Variants in U2SURP observed in about 807,000 individuals in gnomAD.
The protein encoded by U2SURP is U2 snRNP-associated SURP motif-containing protein.
In U2SURP, 9 loss-of-function variants were observed where a neutral mutation model predicts 144.9. That is an observed-to-expected ratio of 0.06 (90% CI 0.04 to 0.11). U2SURP has a LOEUF of 0.11. U2SURP is among the 10% of genes least tolerant of loss of function. The probability of loss-of-function intolerance (pLI) is 1.00; values close to 1 mark genes in which losing one functional copy is unlikely to be tolerated. For synonymous variants in U2SURP, 408 were observed against 396.8 expected (o/e 1.03, Z -0.33); for missense variants, 724 against 1,226.7 (o/e 0.59, Z 6.12).
intron 25 of U2SURP, among the ~76,000 whole-genome samples, chr3:143,051,602 CA>C (rs3041537): frequency 0.02 from 1,808 of 90,556 alleles, 14 homozygotes; most frequent in African/African-American, 0.065. Flanking sequence ...ACTGTCGTTG[CA>C]AAAAAAAAAA....
At chr3:143,029,447 T>TA (rs1274487005) in intron 16 of U2SURP, among the ~76,000 whole-genome samples, 2 of 152,206 alleles carry the variant, frequency 1.3e-5, no homozygotes, top group Non-Finnish European at 2.9e-5. Flanking sequence ...TTGTATCTGT[T>TA]ATGGTGATCA....
chr3:143,012,390 ATAGT>A (rs756459012), intron 3 of U2SURP, 37 bp downstream of exon 3: 1 of 1,546,196 alleles, frequency 6.5e-7, no homozygotes, highest in Non-Finnish European at 8.7e-7. Context: ...ATAAGAAAGG[ATAGT>A]TAATGATTTT....
chr3:143,021,849 A>G (rs900329410), intron 10 of U2SURP, among the ~76,000 whole-genome samples: 2 of 152,222 alleles, frequency 1.3e-5, no homozygotes, highest in Non-Finnish European at 2.9e-5. Context: ...CTTCTGATGC[A>G]TACTTGTTTC....
intron 4 of U2SURP, among the ~76,000 whole-genome samples, chr3:143,015,980 T>C (rs1260830734): frequency 6.6e-6 from 1 of 152,156 alleles, no homozygotes; most frequent in Non-Finnish European, 1.5e-5. Context: ...AGTTGTCATA[T>C]AATTTGATGC....
At chr3:143,033,644 G>A (rs1384135964) in intron 18 of U2SURP, among the ~76,000 whole-genome samples, 8 of 152,138 alleles carry the variant, frequency 5.3e-5, no homozygotes, top group Admixed American at 3.9e-4. Flanking sequence ...GTAACCTAGA[G>A]ATGATTTAAC....
At chr3:143,021,271 TG>T in intron 8 of U2SURP, 78 bp from the exon 9 acceptor site, 2 of 1,456,190 alleles carry the variant, frequency 1.4e-6, no homozygotes, top group Non-Finnish European at 9.4e-7. Context: ...TGTAACAAAC[TG>T]GGGGAAACAA....
At chr3:143,026,542 G>T (rs1933158263) in intron 13 of U2SURP, 1 of 152,142 alleles carries the variant, frequency 6.6e-6, no homozygotes, top group African/African-American at 2.4e-5. Flanking sequence ...CCAAAGGGAT[G>T]TTGCCTCATT....
chr3:143,034,972 T>C lies in U2SURP; in HGVS notation c.1938T>C (p.Phe646=), dbSNP rs1933729168. The part of the protein sequence containing the change: ...TIQGHLQSEN[F]KQRVMTCFRA... ...AAGGCCATTTACAATCTGAAAACTT[T>C]AAGGTACGTTTATTGTTTTACTATT... is the stretch of plus-strand genomic sequence containing the variant. The change falls in exon 19 of 28, where the codon TTT becomes TTC. Residue 646 remains phenylalanine, a synonymous_variant. Transcript: ENST00000473835. The C allele has an allele frequency of 1.3e-6, 2 of 1,540,216 alleles. No individual in the cohort carries two copies. The highest frequency in any genetic ancestry group is 1.4e-5 in the African/African-American group (1 of 72,486).
At chr3:143,052,030 G>A (rs1467900956) in intron 25 of U2SURP, among the ~76,000 whole-genome samples, 2 of 152,110 alleles carry the variant, frequency 1.3e-5, no homozygotes, top group Non-Finnish European at 2.9e-5. Context: ...AGTCTGCTTA[G>A]CACCACTGTT....
At chr3:143,006,883 G>T (rs111551655) in intron 1 of U2SURP, among the ~76,000 whole-genome samples, 2,617 of 152,332 alleles carry the variant, frequency 0.017, 76 homozygotes, top group African/African-American at 0.06. Context: ...CTTAGAGGGT[G>T]AGAGGAGAAA....
intron 8 of U2SURP, among the ~76,000 whole-genome samples, chr3:143,021,130 G>T (rs1936606100): frequency 6.6e-6 from 1 of 152,164 alleles, no homozygotes; most frequent in African/African-American, 2.4e-5. Context: ...GGCAGAGGTT[G>T]CAGTGAGCCG....
Position 143,020,685 on chromosome 3 carries a change from G to A in U2SURP, c.725G>A (p.Arg242His). Residue 242 changes from arginine (R) to histidine (H), a missense_variant, in exon 8 of 28, where the codon CGT becomes CAT. Physicochemically the swap from Arg to His is conservative, Grantham distance 29. Transcript: ENST00000473835. ...CCTCAGTCAGATTCTGATGGTCAGC[G>A]TCGTTCTAGTAAGTGGCATTTATTT... is the stretch of plus-strand genomic sequence containing the variant. ...EPPQSDSDGQ[R>H]RSMDAPSRRN... is the part of the protein sequence containing the mutation. 6.2e-7 allele frequency: 1 copy of A among 1,611,904 alleles called. No individual in the cohort carries two copies. Among genetic ancestry groups the A allele is most frequent in the Non-Finnish European group, 8.5e-7 (1 of 1,178,664 alleles).
chr3:143,007,754 A>G (rs971355165), intron 1 of U2SURP, among the ~76,000 whole-genome samples: 1 of 152,012 alleles, frequency 6.6e-6, no homozygotes, highest in Non-Finnish European at 1.5e-5. Context: ...ACTTCAGGAG[A>G]TCTTTAGGCA....
At chr3:143,004,083 T>C (rs1365144494) in intron 1 of U2SURP, among the ~76,000 whole-genome samples, 2 of 152,204 alleles carry the variant, frequency 1.3e-5, no homozygotes, top group East Asian at 1.9e-4. Flanking sequence ...TTTCTAGCCT[T>C]TGATATCTGG....
chr3:143,009,687 T>A (rs1936022714), intron 1 of U2SURP, among the ~76,000 whole-genome samples: 1 of 152,156 alleles, frequency 6.6e-6, no homozygotes. Flanking sequence ...TTGCCTATGC[T>A]AATGCGCAAT....
chr3:143,034,836 G>A (rs2108297188), intron 18 of U2SURP, 52 bp from the exon 19 acceptor site: 1 of 1,220,642 alleles, frequency 8.2e-7, no homozygotes, highest in Middle Eastern at 1.9e-4. Context: ...ATGCTAAAAG[G>A]GAAAGGAATT....
intron 24 of U2SURP, among the ~76,000 whole-genome samples, chr3:143,045,366 CAAAAAAAAAAA>C (rs11356372): frequency 5.3e-5 from 4 of 75,424 alleles, no homozygotes; most frequent in Admixed American, 3.1e-4. Flanking sequence ...GAGACGCCGT[CAAAAAAAAAAA>C]AAAAAAAAAA....
chr3:143,002,192 T>TG (rs1230479385), intron 1 of U2SURP: 1 of 196,124 alleles, frequency 5.1e-6, no homozygotes, highest in Admixed American at 6.2e-5. Context: ...GAGTGGGAAA[T>TG]GCAGAGGCGG....
At chr3:143,030,816 C>T (rs1933438067) in intron 16 of U2SURP, among the ~76,000 whole-genome samples, 1 of 152,008 alleles carries the variant, frequency 6.6e-6, no homozygotes, top group African/African-American at 2.4e-5. Flanking sequence ...GAGGCCGAGG[C>T]AGGAGGATAG....
Sources: allele counts gnomAD v4.1 joint callset (sites outside exome capture counted in the v4.1 genomes callset), GRCh38; gene constraint gnomAD v4.1.1; transcripts MANE v1.5; gene names NCBI Gene and HGNC (gene_info 2026-07-23, HGNC 2026-07-21).